Variants in PCDH9 observed in about 807,000 individuals in gnomAD.
PCDH9 encodes protocadherin-9.
A neutral mutation model predicts 70.6 loss-of-function variants in PCDH9; 24 were observed. That is an observed-to-expected ratio of 0.34 (90% CI 0.25 to 0.48). The LOEUF (loss-of-function observed/expected upper bound fraction) is 0.48, where lower values mean the gene tolerates loss of function less well. Ranked by LOEUF, PCDH9 falls within the 20% of genes least tolerant of loss-of-function variation. PCDH9 has a pLI of 0.99. For synonymous variants in PCDH9, 562 were observed against 558.5 expected (o/e 1.01, Z -0.09); for missense variants, 1,281 against 1,503.6 (o/e 0.85, Z 2.45).
At chr13:67,125,848 T>TGC (rs1278094004) in intron 2 of PCDH9, among the ~76,000 whole-genome samples, 1 of 152,016 alleles carries the variant, frequency 6.6e-6, no homozygotes. Context: ...TATATGTGTG[T>TGC]GTGTGTGTGT....
chr13:66,638,655 G>A, intron 3 of PCDH9, among the ~76,000 whole-genome samples: 1 of 151,990 alleles, frequency 6.6e-6, no homozygotes, highest in East Asian at 1.9e-4. Context: ...TTTTTTATGA[G>A]GAACATATAC....
At chr13:66,768,394 C>T (rs1244339826) in intron 3 of PCDH9, among the ~76,000 whole-genome samples, 1 of 151,918 alleles carries the variant, frequency 6.6e-6, no homozygotes, top group African/African-American at 2.4e-5. Flanking sequence ...AGCCTGATTT[C>T]CTAAACTACT....
chr13:66,916,529 C>G (rs2082560091), intron 2 of PCDH9, among the ~76,000 whole-genome samples: 1 of 151,490 alleles, frequency 6.6e-6, no homozygotes, highest in Admixed American at 6.6e-5. Context: ...TCTAAAAGAT[C>G]AGCTAAAAAG....
intron 4 of PCDH9, among the ~76,000 whole-genome samples, chr13:66,552,783 G>C (rs1961547172): frequency 6.6e-6 from 1 of 152,088 alleles, no homozygotes; most frequent in Non-Finnish European, 1.5e-5. Context: ...GAATGTACTA[G>C]TCCATTCTCA....
intron 2 of PCDH9, among the ~76,000 whole-genome samples, chr13:67,078,643 T>C (rs1470433791): frequency 6.6e-6 from 1 of 152,174 alleles, no homozygotes; most frequent in African/African-American, 2.4e-5. Flanking sequence ...TTCCAACTTG[T>C]GAACTTTTAT....
At chr13:67,159,411 A>G (rs9529197) in intron 2 of PCDH9, among the ~76,000 whole-genome samples, 26,611 of 152,134 alleles carry the variant, frequency 0.17, 2,640 homozygotes, top group Non-Finnish European at 0.21. Flanking sequence ...TGAAGCCATC[A>G]TATTGTGTCA....
At chr13:66,768,187 T>C (rs183529217) in intron 3 of PCDH9, among the ~76,000 whole-genome samples, 2 of 152,226 alleles carry the variant, frequency 1.3e-5, no homozygotes, top group South Asian at 2.1e-4. Flanking sequence ...CCTGTGGAAA[T>C]ATAGCTGTCC....
intron 3 of PCDH9, among the ~76,000 whole-genome samples, chr13:66,743,495 A>T (rs894672781): frequency 2.9e-4 from 15 of 52,146 alleles, no homozygotes; most frequent in Non-Finnish European, 5.6e-4. Context: ...AAAGTATAAT[A>T]AAAAAAAAAA....
intron 4 of PCDH9, among the ~76,000 whole-genome samples, chr13:66,391,153 T>C (rs1957010220): frequency 6.6e-6 from 1 of 152,188 alleles, no homozygotes; most frequent in Non-Finnish European, 1.5e-5. Context: ...AATGCTGTAA[T>C]ATAAAATAAA....
chr13:67,215,543 G>A (rs1338966759), intron 2 of PCDH9: 1 of 152,042 alleles, frequency 6.6e-6, no homozygotes, highest in African/African-American at 2.4e-5. Flanking sequence ...GGAAGTGAAG[G>A]AATTTGATCC....
chr13:67,174,754 T>C (rs1260226526), intron 2 of PCDH9, among the ~76,000 whole-genome samples: 3 of 152,176 alleles, frequency 2.0e-5, no homozygotes, highest in Non-Finnish European at 2.9e-5. Flanking sequence ...CAATGCTAAA[T>C]GTTCTTTCAT....
intron 4 of PCDH9, among the ~76,000 whole-genome samples, chr13:66,522,637 A>G (rs539376821): frequency 1.3e-5 from 2 of 152,170 alleles, no homozygotes; most frequent in East Asian, 1.9e-4. Flanking sequence ...CCTAAGTCCA[A>G]TGACAAGTGT....
chr13:66,784,603 G>A (rs1056657411), intron 3 of PCDH9, among the ~76,000 whole-genome samples: 4 of 152,056 alleles, frequency 2.6e-5, no homozygotes, highest in African/African-American at 9.7e-5. Flanking sequence ...TACTGACAGA[G>A]TGTTTCAAAC....
intron 3 of PCDH9, among the ~76,000 whole-genome samples, chr13:66,699,302 A>C (rs115803776): frequency 1.3e-3 from 194 of 152,236 alleles, no homozygotes; most frequent in African/African-American, 4.4e-3. Context: ...CACTAAACAC[A>C]CTAACACCTG....
chr13:66,842,177 T>G (rs1294979445), intron 3 of PCDH9, among the ~76,000 whole-genome samples: 3 of 152,226 alleles, frequency 2.0e-5, no homozygotes, highest in Non-Finnish European at 2.9e-5. Flanking sequence ...TTTCCTTAAT[T>G]TTTCTTATAC....
chr13:67,059,340 A>ATATATATATATATTATATATATATAGTG (rs2085486606), intron 2 of PCDH9, among the ~76,000 whole-genome samples: 2 of 136,528 alleles, frequency 1.5e-5, no homozygotes, highest in Admixed American at 7.5e-5. Flanking sequence ...CAAATTTCAA[A>ATATATATATATATTATATATATATAGTG]TATATATATA....
intron 2 of PCDH9, among the ~76,000 whole-genome samples, chr13:66,987,528 A>G (rs1221805534): frequency 6.6e-6 from 1 of 152,046 alleles, no homozygotes; most frequent in Admixed American, 6.6e-5. Flanking sequence ...ACGTAATGTA[A>G]TATGTATTAT....
At chr13:66,395,599 AAAAT>A (rs71205585) in intron 4 of PCDH9, among the ~76,000 whole-genome samples, 26 of 150,912 alleles carry the variant, frequency 1.7e-4, no homozygotes, top group African/African-American at 4.9e-4. Flanking sequence ...ACTCTGTCTC[AAAAT>A]AAATAAATAA....
At chr13:66,540,920 T>G (rs1445475908) in intron 4 of PCDH9, among the ~76,000 whole-genome samples, 1 of 152,174 alleles carries the variant, frequency 6.6e-6, no homozygotes, top group Non-Finnish European at 1.5e-5. Context: ...GCCACATCTT[T>G]GACAGCCTTG....
Sources: gnomAD v4.1 joint callset for allele counts (sites outside exome capture counted in the v4.1 genomes callset) on GRCh38, gnomAD v4.1.1 for gene constraint, MANE v1.5 for transcripts, NCBI Gene and HGNC (gene_info 2026-07-23, HGNC 2026-07-21) for gene names.